PPP4R3B: variants seen among roughly 807,000 people sequenced by gnomAD.
PPP4R3B encodes the protein protein phosphatase 4 regulatory subunit 3B, also known as serine/threonine-protein phosphatase 4 regulatory subunit 3B.
In PPP4R3B, 52 loss-of-function variants were observed where a neutral mutation model predicts 95.4. That is an observed-to-expected ratio of 0.54 (90% confidence interval 0.44 to 0.69). The LOEUF (loss-of-function observed/expected upper bound fraction) is 0.69, where lower values mean the gene tolerates loss of function less well. Ranked by LOEUF, PPP4R3B falls within the 30% of genes least tolerant of loss-of-function variation. The pLI, the probability that PPP4R3B is intolerant of heterozygous loss-of-function variation, is 0.00. For synonymous variants in PPP4R3B, 407 were observed against 343.9 expected, an observed-to-expected ratio of 1.18 and a Z score of -2.03; for missense variants, 1,003 against 1,005.9, an observed-to-expected ratio of 1.00 and a Z score of 0.04.
rs916707107 is a variant in PPP4R3B, at chr2:55,581,686, T to G, written c.1246A>C (p.Ile416Leu). Residue 416 changes from isoleucine (I) to leucine (L), a missense_variant, in exon 8 of 17, where the codon ATT becomes CTT. Ile to Leu is a conservative substitution (Grantham distance 5). Transcript: ENST00000616407. Reference protein sequence around the residue: ...AQQSDDDILLINVVIEQMICD... With the variant: ...AQQSDDDILLLNVVIEQMICD... ...ATCATTTGTTCAATTACCACATTAA[T>G]AAGAAGAATATCCTGGTGGCAAAAC... is the stretch of plus-strand genomic sequence containing the variant. 1.3e-5 allele frequency: 21 copies of G among 1,612,390 alleles called. No individual in the cohort carries two copies. Among genetic ancestry groups the G allele is most frequent in the East Asian group, 4.5e-5 (2 of 44,786 alleles).
intron 6 of PPP4R3B, among the ~76,000 whole-genome samples, chr2:55,586,398 G>A (rs147750363): frequency 6.6e-6 from 1 of 152,128 alleles, no homozygotes; most frequent in East Asian, 1.9e-4. Context: ...TTGCAAAAAC[G>A]TGGGGTTTTT....
At position 55,564,943 on chromosome 2, in the gene PPP4R3B, T is replaced by C. The variant is rs1294014452; in HGVS notation, c.2034A>G (p.Lys678=). The C allele has an allele frequency of 6.2e-7, 1 of 1,610,860 alleles. No homozygotes were observed. The highest frequency in any genetic ancestry group is 1.1e-5 in the South Asian group (1 of 90,322). ...TTTGTCTGTCTTTTTCTTGCTCATA[T>C]TTAGTCTTCAATCCTTTGAATGTCT... ...YVQTFKGLKT[K]YEQEKDRQNQ... is the part of the protein sequence containing the mutation. Residue 678 remains lysine, a synonymous_variant, in exon 14 of 17, where the codon AAA becomes AAG. Transcript: ENST00000616407.
chr2:55,577,316 G>A lies in PPP4R3B; in HGVS notation c.1605C>T (p.Pro535=), dbSNP rs147095847. 35 of 1,547,120 alleles carry A rather than the reference G, an allele frequency of 2.3e-5. No individual in the cohort carries two copies. Among genetic ancestry groups the A allele is most frequent in the Middle Eastern group, 1.8e-4 (1 of 5,450 alleles). ...VGSNKNNTIC[P]DNYQTAQLLA... Reference sequence around the variant, plus strand: ...CATAAAGTATGAATTCATACTTACCGGGACAAATTGTGTTGTTTTTGTTTG... The same window carrying A: ...CATAAAGTATGAATTCATACTTACCAGGACAAATTGTGTTGTTTTTGTTTG... Residue 535 remains proline (P), a splice_region_variant and synonymous_variant, in exon 11 of 17, where the codon CCC becomes CCT. Coordinates refer to ENST00000616407, the MANE Select transcript of PPP4R3B (RefSeq NM_001122964.3).
chr2:55,615,534 A>T (rs1379731235), intron 1 of PPP4R3B, 28 bp from the exon 2 acceptor site: 2 of 1,464,772 alleles, frequency 1.4e-6, no homozygotes, highest in South Asian at 1.2e-5. Context: ...ATACATCATA[A>T]GTCTCAAATG....
intron 4 of PPP4R3B, among the ~76,000 whole-genome samples, chr2:55,593,017 G>A (rs1337550904): frequency 2.0e-5 from 3 of 152,098 alleles, no homozygotes; most frequent in Non-Finnish European, 4.4e-5. Context: ...AAATTAGCCA[G>A]GCATGGTGGC....
At chr2:55,576,731 T>C (rs1162203199) in intron 11 of PPP4R3B, among the ~76,000 whole-genome samples, 1 of 152,144 alleles carries the variant, frequency 6.6e-6, no homozygotes, top group Non-Finnish European at 1.5e-5. Context: ...AACAATGAAC[T>C]ACAGTGTTAA....
chr2:55,550,069 A>C, intron 16 of PPP4R3B, 63 bp from the exon 17 acceptor site: 1 of 994,424 alleles, frequency 1.0e-6, no homozygotes, highest in Non-Finnish European at 1.5e-6. Flanking sequence ...TTTTAGTACA[A>C]ATACAATCAC....
chr2:55,589,990 TATATATATATA>T (rs1229364851), intron 4 of PPP4R3B, among the ~76,000 whole-genome samples: 1 of 144,030 alleles, frequency 6.9e-6, no homozygotes, highest in Non-Finnish European at 1.5e-5. Flanking sequence ...TTTAATATAT[TATATATATATA>T]ATATATATAT....
At chr2:55,573,875 T>A (rs1405049498) in intron 11 of PPP4R3B, 98 bp from the exon 12 acceptor site, 22 of 605,912 alleles carry the variant, frequency 3.6e-5, no homozygotes, top group Non-Finnish European at 4.7e-5. Flanking sequence ...AAATCTAAAC[T>A]GTATTTCCTC....
At chr2:55,558,719 G>GA (rs1239433208) in intron 16 of PPP4R3B, 56 bp downstream of exon 16, 16 of 1,323,166 alleles carry the variant, frequency 1.2e-5, no homozygotes, top group African/African-American at 4.5e-5. Flanking sequence ...CAGTAAACAT[G>GA]AAAAAATCTC....
At chr2:55,606,626 A>C (rs1693437003) in intron 2 of PPP4R3B, among the ~76,000 whole-genome samples, 1 of 152,074 alleles carries the variant, frequency 6.6e-6, no homozygotes, top group Non-Finnish European at 1.5e-5. Flanking sequence ...GTTTGAGACC[A>C]GTATGGCCAA....
chr2:55,614,540 G>C (rs1339985302), intron 2 of PPP4R3B: 1 of 152,140 alleles, frequency 6.6e-6, no homozygotes, highest in African/African-American at 2.4e-5. Context: ...ACACACAACA[G>C]ACTACATATT....
rs1688291897 is a variant in PPP4R3B, at chr2:55,573,731, G to A, written c.1653C>T (p.Leu551=). The A allele has an allele frequency of 2.6e-6, 4 of 1,539,676 alleles. No individual in the cohort carries two copies. In the East Asian group the frequency reaches 7.4e-5, roughly 29 times the overall value. ...AQLLALILEL[L]TFCVEHHTYH... ...ATGTGTGATGTTCCACACAAAATGT[G>A]AGTAACTCTAAAATTAAGGCAAGTA... Residue 551 remains leucine (L), a synonymous_variant, in exon 12 of 17, where the codon CTC becomes CTT. Transcript: ENST00000616407.
rs547558582 is a variant in PPP4R3B, at chr2:55,549,483, AAAC to A, written c.*425_*427del. 6.5e-3 allele frequency: 1,008 copies of A among 154,156 alleles called. 2 individuals are homozygous for A. The highest frequency in any genetic ancestry group is 0.011 in the Non-Finnish European group (769 of 69,070). The allele number at this position is 154,156 out of a possible 1,614,324, so 9.5% of individuals were successfully genotyped here. ...TCTTTTAAAAAGAGGCAACTGATTA[AAAC>A]AACAACATGGCCAGCACCATTATAC... On this transcript the variant is annotated 3_prime_UTR_variant, in exon 17 of 17. Coordinates refer to ENST00000616407, the MANE Select transcript of PPP4R3B (RefSeq NM_001122964.3).
intron 5 of PPP4R3B, among the ~76,000 whole-genome samples, chr2:55,588,516 A>G (rs1352667627): frequency 9.8e-6 from 1 of 101,894 alleles, no homozygotes; most frequent in Non-Finnish European, 2.2e-5. Flanking sequence ...TCCATCTCAG[A>G]AAAAAAAAAA....
At chr2:55,583,786 C>A (rs562805132) in intron 7 of PPP4R3B, among the ~76,000 whole-genome samples, 27 of 152,186 alleles carry the variant, frequency 1.8e-4, no homozygotes, top group African/African-American at 6.0e-4. Context: ...AAATAACTAA[C>A]AAACATAGAA....
At chr2:55,585,594 C>T (rs1690030108) in intron 6 of PPP4R3B, among the ~76,000 whole-genome samples, 1 of 152,136 alleles carries the variant, frequency 6.6e-6, no homozygotes, top group Admixed American at 6.5e-5. Context: ...GTAACTGTTT[C>T]TATTTCCTGT....
rs1444864643 is a variant in PPP4R3B at position 55,558,958 on chromosome 2, A to G, written c.2271T>C (p.Ser757=). Residue 757 remains serine (S), a synonymous_variant, in exon 16 of 17, where the codon AGT becomes AGC. Transcript: ENST00000616407. Reference sequence around the variant, plus strand: ...TTTTGGGAAGGTTTTCCTTGTCTTCACTTTCTTTTGCTAAAGCAAAAGTAA... The same window carrying G: ...TTTTGGGAAGGTTTTCCTTGTCTTCGCTTTCTTTTGCTAAAGCAAAAGTAA... ...KFMETKKAKE[S]EDKENLPKRT... 5.6e-6 allele frequency: 9 copies of G among 1,606,614 alleles called. No homozygotes were observed. The highest frequency in any genetic ancestry group is 1.3e-5 in the African/African-American group (1 of 74,610).
intron 2 of PPP4R3B, among the ~76,000 whole-genome samples, chr2:55,605,053 A>G (rs1356821856): frequency 6.6e-6 from 1 of 151,792 alleles, no homozygotes; most frequent in Non-Finnish European, 1.5e-5. Context: ...TTGGTCTGGA[A>G]CTCCAACTCC....
Sources: gnomAD v4.1 joint callset for allele counts (sites outside exome capture counted in the v4.1 genomes callset) on GRCh38, gnomAD v4.1.1 for gene constraint, MANE v1.5 for transcripts, NCBI Gene and HGNC (gene_info 2026-07-23, HGNC 2026-07-21) for gene names.